The following CAMTA1 variants were observed in gnomAD, a reference collection of about 807,000 sequenced individuals.
CAMTA1 encodes calmodulin-binding transcription activator 1.
In CAMTA1, 27 loss-of-function variants were observed where a neutral mutation model predicts 170.9. That is an observed-to-expected ratio of 0.16 (90% CI 0.12 to 0.22). The LOEUF is 0.22. CAMTA1 is among the 10% of genes least tolerant of loss of function. The pLI, the probability that CAMTA1 is intolerant of heterozygous loss-of-function variation, is 1.00. For synonymous variants in CAMTA1, 833 were observed against 891.5 expected (o/e 0.93, Z 1.17); for missense variants, 1,619 against 2,217.2 (o/e 0.73, Z 5.42).
At chr1:7,704,758 C>T (rs958114367) in intron 11 of CAMTA1, among the ~76,000 whole-genome samples, 1 of 147,744 alleles carries the variant, frequency 6.8e-6, no homozygotes, top group Non-Finnish European at 1.5e-5. Context: ...GCGAGTCGTT[C>T]CAGCTGCGGC....
Position 7,251,863 on chromosome 1 carries a change from GTA to G in CAMTA1, c.438+2243_438+2244del, listed in dbSNP as rs1666694804. ...AAGTCGGGTGGGACTCTGTGTGTGT[GTA>G]TATATGTTTGTGTGTGTGTGTGTGC... On this transcript the variant is annotated intron_variant, in intron 5 of 22. Coordinates refer to ENST00000303635, the MANE Select transcript of CAMTA1 (RefSeq NM_015215.4). The surrounding 1 kb of genome is among the most constrained non-coding windows in gnomAD (Gnocchi z 5.1). Among the ~76,000 whole-genome samples, 1 of 151,850 alleles carries G rather than the reference GTA, an allele frequency of 6.6e-6. No homozygotes were observed. Among genetic ancestry groups the G allele is most frequent in the African/African-American group, 2.4e-5 (1 of 41,348 alleles).
rs10465703 is a variant in CAMTA1, at chr1:7,561,651, G to A, written c.511-78749G>A. Among the ~76,000 whole-genome samples, 771 of 152,096 alleles carry A rather than the reference G, an allele frequency of 5.1e-3. 7 individuals are homozygous for A. The highest frequency in any genetic ancestry group is 0.018 in the African/African-American group (727 of 41,512). On this transcript the variant is annotated intron_variant, in intron 6 of 22. Coordinates refer to ENST00000303635, the MANE Select transcript of CAMTA1 (RefSeq NM_015215.4). This position sits in a 1 kb window ranked among gnomAD's most constrained non-coding sequence, Gnocchi z 5.3. Reference sequence around the variant, plus strand: ...CTGGTTACATGCAGCAGTGGCACAGGATCAGCAGGCAAGGCTCCATGATGC... The same window carrying A: ...CTGGTTACATGCAGCAGTGGCACAGAATCAGCAGGCAAGGCTCCATGATGC...
chr1:7,068,980 C>T (rs924763312), intron 3 of CAMTA1, among the ~76,000 whole-genome samples: 1 of 152,188 alleles, frequency 6.6e-6, no homozygotes, highest in Admixed American at 6.5e-5. Context: ...AACCCAGGGA[C>T]GGTGGGAGGA....
Position 7,224,816 on chromosome 1 carries a change from G to A in CAMTA1, c.303-24675G>A, listed in dbSNP as rs1661411019. ...CTCCGTAGCTGCTCCATGTCGTCTGGATGGTCCGTTGGCACCCTGCCCACC... is the reference window on the plus strand; with the variant it reads ...CTCCGTAGCTGCTCCATGTCGTCTGAATGGTCCGTTGGCACCCTGCCCACC... On this transcript the variant is annotated intron_variant, in intron 4 of 22. Transcript: ENST00000303635. This position sits in a 1 kb window ranked among gnomAD's most constrained non-coding sequence, Gnocchi z 5.2. Among the ~76,000 whole-genome samples the A allele has an allele frequency of 7.1e-6, 1 of 141,214 alleles. No individual in the cohort carries two copies. The highest frequency in any genetic ancestry group is 3.2e-5 in the African/African-American group (1 of 30,874). The allele number at this position is 141,214 out of a possible 152,430, so 92.6% of individuals were successfully genotyped here. A position where few individuals can be genotyped will look rare whatever the true frequency, so the allele number is the denominator to read the frequency against.
intron 3 of CAMTA1, among the ~76,000 whole-genome samples, chr1:6,931,021 A>G (rs1476338599): frequency 6.6e-6 from 1 of 152,186 alleles, no homozygotes; most frequent in Non-Finnish European, 1.5e-5. Flanking sequence ...CTGGTTCCTC[A>G]TAAGGGCCCT....
chr1:6,816,424 C>A (rs1466393703), intron 1 of CAMTA1, among the ~76,000 whole-genome samples: 1 of 152,134 alleles, frequency 6.6e-6, no homozygotes, highest in Non-Finnish European at 1.5e-5. Context: ...ATGTTAGGTG[C>A]TCCTTTAATA....
At chr1:6,883,418 T>G (rs969687549) in intron 3 of CAMTA1, among the ~76,000 whole-genome samples, 10 of 152,244 alleles carry the variant, frequency 6.6e-5, no homozygotes, top group African/African-American at 1.9e-4. Flanking sequence ...GAATTCTGCT[T>G]TCGGCAGCCT....
At chr1:7,152,476 G>A (rs1351409142) in intron 4 of CAMTA1, among the ~76,000 whole-genome samples, 1 of 152,136 alleles carries the variant, frequency 6.6e-6, no homozygotes, top group Non-Finnish European at 1.5e-5. Context: ...GTGACCAGAG[G>A]CTTTCATTGG....
At chr1:7,331,719 G>A (rs1430742863) in intron 5 of CAMTA1, among the ~76,000 whole-genome samples, 1 of 152,180 alleles carries the variant, frequency 6.6e-6, no homozygotes, top group Non-Finnish European at 1.5e-5. Flanking sequence ...CAGCAAGACA[G>A]GTAACCTCAT....
chr1:7,551,204 A>T (rs977212554), intron 6 of CAMTA1, among the ~76,000 whole-genome samples: 1 of 152,058 alleles, frequency 6.6e-6, no homozygotes, highest in Non-Finnish European at 1.5e-5. Flanking sequence ...GGGGAGAAGC[A>T]AGGAAGGGAG....
At chr1:7,310,680 CT>C (rs1676491148) in intron 5 of CAMTA1, among the ~76,000 whole-genome samples, 1 of 35,402 alleles carries the variant, frequency 2.8e-5, no homozygotes, top group African/African-American at 1.6e-4. Context: ...TCCTTTCTTT[CT>C]CTCTCTCTCT....
chr1:7,594,624 A>G (rs1158248039), intron 6 of CAMTA1, among the ~76,000 whole-genome samples: 1 of 152,154 alleles, frequency 6.6e-6, no homozygotes, highest in Non-Finnish European at 1.5e-5. Context: ...CAGACAAGAG[A>G]GGGTGGTGAC....
rs76619531 is a variant in CAMTA1, at chr1:7,428,814, C to T, written c.439-39016C>T. Among the ~76,000 whole-genome samples the T allele has an allele frequency of 8.1e-3, 1,230 of 151,758 alleles. 12 individuals carry two copies. The highest frequency in any genetic ancestry group is 0.028 in the African/African-American group (1,140 of 41,350). On this transcript the variant is annotated intron_variant, in intron 5 of 22. Transcript: ENST00000303635. The stretch of plus-strand genomic sequence containing the variant: ...TTGCGTGGCCTTTGCATATTGGTTT[C>T]GGAGCTGGTTGTCTGTGTGCGTCTG...
At chr1:7,457,040 C>T (rs1219425168) in intron 5 of CAMTA1, among the ~76,000 whole-genome samples, 4 of 88,542 alleles carry the variant, frequency 4.5e-5, no homozygotes, top group Admixed American at 2.1e-4. Context: ...TCCCCTCACC[C>T]GCCCCGCCCC....
rs529268167 is a variant in CAMTA1 at position 7,523,445 on chromosome 1, A to G, written c.510+55544A>G. 2.6e-5 allele frequency among the ~76,000 whole-genome samples: 4 copies of G among 152,344 alleles called. No homozygotes were observed. In the East Asian group the frequency reaches 7.7e-4, roughly 29 times the overall value. ...ATAGATAAATCGGAAGAGAATTGAC[A>G]TCTTCACTAGGTTGGGTCTTCCAAT... is the stretch of plus-strand genomic sequence containing the variant. On this transcript the variant is annotated intron_variant, in intron 6 of 22. Coordinates refer to ENST00000303635, the MANE Select transcript of CAMTA1 (RefSeq NM_015215.4).
intron 5 of CAMTA1, among the ~76,000 whole-genome samples, chr1:7,457,002 C>T (rs956341251): frequency 2.1e-4 from 32 of 151,974 alleles, no homozygotes; most frequent in African/African-American, 6.8e-4. Context: ...TTCCTCCTCC[C>T]TCCCATTCTT....
intron 4 of CAMTA1, among the ~76,000 whole-genome samples, chr1:7,162,145 A>C (rs1449232229): frequency 6.6e-6 from 1 of 152,150 alleles, no homozygotes; most frequent in African/African-American, 2.4e-5. Context: ...CTTCTGGAGT[A>C]TGGTGGGTGC....
chr1:7,267,215 A>G (rs1017328464), intron 5 of CAMTA1, among the ~76,000 whole-genome samples: 7 of 152,172 alleles, frequency 4.6e-5, no homozygotes, highest in African/African-American at 1.4e-4. Context: ...TTCTTGGAGT[A>G]GAGTTACCTT....
chr1:6,871,663 G>C, intron 3 of CAMTA1: 1 of 1,076,394 alleles, frequency 9.3e-7, no homozygotes, highest in Non-Finnish European at 1.3e-6. Flanking sequence ...CATCAGGAAT[G>C]ATGGGGTTCA....
Sources: gnomAD v4.1 joint callset for allele counts (sites outside exome capture counted in the v4.1 genomes callset) on GRCh38, gnomAD v4.1.1 for gene constraint, Gnocchi (gnomAD v3.1) non-coding constraint, MANE v1.5 for transcripts, NCBI Gene and HGNC (gene_info 2026-07-23, HGNC 2026-07-21) for gene names.